Variants in SON observed in about 807,000 individuals in gnomAD.
SON encodes the protein SON DNA and RNA binding protein.
Under a neutral mutation model 173.3 loss-of-function variants are expected in SON, and 4 were observed. The observed-to-expected ratio is 0.02, with a 90% CI of 0.01 to 0.05. The LOEUF (loss-of-function observed/expected upper bound fraction) is 0.05, where lower values mean the gene tolerates loss of function less well. Among genes scored for constraint, SON ranks in the 10% least tolerant of loss-of-function variants. The pLI, the probability that SON is intolerant of heterozygous loss-of-function variation, is 1.00. For missense variants in SON, 2,626 were observed against 3,055.3 expected (o/e 0.86, Z 3.31); for synonymous variants, 1,190 against 1,105.9 (o/e 1.08, Z -1.51).
chr21:33,576,638 A>G lies in SON; in HGVS notation c.*214A>G. The G allele has an allele frequency of 1.5e-6, 1 of 659,170 alleles. No homozygotes were observed. Among genetic ancestry groups the G allele is most frequent in the East Asian group, 2.8e-5 (1 of 35,360 alleles). 40.8% of individuals were successfully genotyped at this position (659,170 alleles called of 1,614,324 possible). ...CTGCATCACAATGTATTTCCTCTTT[A>G]ATGTTGTAAATATTTGGCAATTTAA... On this transcript the variant is annotated 3_prime_UTR_variant, in exon 12 of 12. Transcript: ENST00000356577.
At chr21:33,557,592 G>C in intron 4 of SON, 1 of 1,550,506 alleles carries the variant, frequency 6.4e-7, no homozygotes, top group Non-Finnish European at 8.7e-7. Flanking sequence ...CGTTTGAATG[G>C]AGGAGGTGTT....
Position 33,550,737 on chromosome 21 carries a change from G to A in SON, c.1506G>A (p.Glu502=), listed in dbSNP as rs1218313789. ...PEQPAVTVAM[E]LTEQPVTTTE... is the part of the protein sequence containing the mutation. ...AGCCTGCGGTAACAGTAGCAATGGA[G>A]TTGACCGAACAACCTGTGACGACGA... Residue 502 remains glutamate, a synonymous_variant, in exon 3 of 12, where the codon GAG becomes GAA. Transcript: ENST00000356577. 1 of 1,614,212 alleles carries A rather than the reference G, an allele frequency of 6.2e-7. No homozygotes were observed.
In SON at chr21:33,552,083, T is replaced by C. The variant is rs2085809962; in HGVS notation, c.2852T>C (p.Leu951Ser). ...AYRLGQDPYRLGHDPYRLTPD... is the reference protein window; with the variant it reads ...AYRLGQDPYRSGHDPYRLTPD... ...AGGTTAGGACAAGACCCTTATAGATTAGGCCATGATCCCTACAGACTAACT... is the reference window on the plus strand; with the variant it reads ...AGGTTAGGACAAGACCCTTATAGATCAGGCCATGATCCCTACAGACTAACT... The change falls in exon 3 of 12, where the codon TTA (leucine) becomes TCA (serine). Residue 951 changes from leucine to serine, a missense_variant. Leu to Ser is a moderately radical substitution (Grantham distance 145). Around this residue, in one of 13 missense-constraint regions of SON, gnomAD observed 366 missense variants for 448.6 expected, o/e 0.82. Coordinates refer to ENST00000356577, the MANE Select transcript of SON (RefSeq NM_138927.4). The surrounding 1 kb of genome is among the most constrained non-coding windows in gnomAD (Gnocchi z 5.6). 6.2e-7 allele frequency: 1 copy of C among 1,614,000 alleles called. No individual in the cohort carries two copies. Among genetic ancestry groups the C allele is most frequent in the Non-Finnish European group, 8.5e-7 (1 of 1,179,974 alleles).
In SON at chr21:33,552,835, T is replaced by G; in HGVS notation, c.3604T>G (p.Ser1202Ala). Residue 1202 changes from serine to alanine, a missense_variant, in exon 3 of 12, where the codon TCA (serine) becomes GCA (alanine). Ser to Ala is a moderately conservative substitution (Grantham distance 99). Transcript: ENST00000356577. This position sits in a 1 kb window ranked among gnomAD's most constrained non-coding sequence, Gnocchi z 5.6. ...TACTTGGCCTACAGAGGTGCCATCA[T>G]CACCATCTGAAGAGTCTGTATCGCA... ...ENTWPTEVPS[S>A]PSEESVSQPE... 1 of 1,613,522 alleles carries G rather than the reference T, an allele frequency of 6.2e-7. No individual in the cohort carries two copies. The highest frequency in any genetic ancestry group is 8.5e-7 in the Non-Finnish European group (1 of 1,179,534).
chr21:33,543,194 C>T (rs977248892), intron 1 of SON, 25 bp downstream of exon 1: 2 of 1,591,552 alleles, frequency 1.3e-6, no homozygotes, highest in East Asian at 2.2e-5. Context: ...GATTCTTCTG[C>T]TCCCAACGGA....
rs1403302580 is a variant in SON at position 33,553,138 on chromosome 21, C to T, written c.3907C>T (p.Pro1303Ser). Residue 1303 changes from proline to serine, a missense_variant, in exon 3 of 12, where the codon CCT becomes TCT. Pro to Ser is a moderately conservative substitution (Grantham distance 74). Around this residue, in one of 13 missense-constraint regions of SON, gnomAD observed 1,006 missense variants for 895.6 expected, o/e 1.12. Coordinates refer to ENST00000356577, the MANE Select transcript of SON (RefSeq NM_138927.4). ...AEPTVLASEP[P>S]VMSETAETFD... The stretch of plus-strand genomic sequence containing the variant: ...ACCAACTGTGTTAGCATCAGAGCCT[C>T]CTGTTATGTCAGAGACAGCAGAAAC... 3 of 1,614,072 alleles carry T rather than the reference C, an allele frequency of 1.9e-6. No individual in the cohort carries two copies. The highest frequency in any genetic ancestry group is 2.7e-5 in the African/African-American group (2 of 74,934).
rs781548849 is a variant in SON, at chr21:33,554,811, G to C, written c.5580G>C (p.Gln1860His). ...CTAAGTCCAAGTCTCATCGCTCTCA[G>C]ACACGTTCACGGTCACGTTCAAGAC... ...RSSKSKSHRS[Q>H]TRSRSRSRRR... Residue 1860 changes from glutamine to histidine, a missense_variant, in exon 3 of 12, where the codon CAG (glutamine) becomes CAC (histidine). Gln to His is a conservative substitution (Grantham distance 24). Transcript: ENST00000356577. The C allele has an allele frequency of 1.9e-6, 3 of 1,613,946 alleles. No homozygotes were observed. Among genetic ancestry groups the C allele is most frequent in the Non-Finnish European group, 8.5e-7 (1 of 1,180,032 alleles).
chr21:33,554,613 A>G lies in SON; in HGVS notation c.5382A>G (p.Val1794=), dbSNP rs753209365. The G allele has an allele frequency of 6.2e-6, 10 of 1,613,888 alleles. No individual in the cohort carries two copies. In the African/African-American group the frequency reaches 6.7e-5, roughly 11 times the overall value. ...SEEKDDYEIF[V]KVKDTHEKSK... Reference sequence around the variant, plus strand: ...AAAAAGATGATTATGAAATTTTTGTAAAAGTTAAGGACACTCACGAAAAAA... The same window carrying G: ...AAAAAGATGATTATGAAATTTTTGTGAAAGTTAAGGACACTCACGAAAAAA... The change falls in exon 3 of 12, where the codon GTA becomes GTG. Residue 1794 remains valine, a synonymous_variant. Coordinates refer to ENST00000356577, the MANE Select transcript of SON (RefSeq NM_138927.4).
In SON at chr21:33,553,612, A is replaced by C; in HGVS notation, c.4381A>C (p.Ile1461Leu). 1 of 1,614,004 alleles carries C rather than the reference A, an allele frequency of 6.2e-7. No homozygotes were observed. Among genetic ancestry groups the C allele is most frequent in the Non-Finnish European group, 8.5e-7 (1 of 1,179,940 alleles). The change falls in exon 3 of 12, where the codon ATA (isoleucine) becomes CTA (leucine). Residue 1461 changes from isoleucine (I) to leucine (L), a missense_variant. Around this residue, in one of 13 missense-constraint regions of SON, gnomAD observed 1,006 missense variants for 895.6 expected, o/e 1.12. Transcript: ENST00000356577. ...CACAGTCTCAGAGCAGACTCAAGTA[A>C]TACCAACTGAGGTGGCTATAGAGTC... ...AVTVSEQTQV[I>L]PTEVAIESTP...
chr21:33,558,959 CTTT>C (rs71194851), intron 4 of SON: 194 of 118,786 alleles, frequency 1.6e-3, no homozygotes, highest in East Asian at 5.6e-3. Flanking sequence ...ATGTCTTCTA[CTTT>C]TTTTTTTTTT....
At chr21:33,562,672 T>G (rs576163750) in intron 6 of SON, among the ~76,000 whole-genome samples, 30 of 152,356 alleles carry the variant, frequency 2.0e-4, no homozygotes, top group African/African-American at 6.7e-4. Context: ...CCAGCCAGCA[T>G]CATCCTCAGT....
chr21:33,576,755 G>C lies in SON; in HGVS notation c.*331G>C. The C allele has an allele frequency of 2.5e-6, 1 of 407,098 alleles. No individual in the cohort carries two copies. The highest frequency in any genetic ancestry group is 2.2e-5 in the South Asian group (1 of 44,908). 25.2% of individuals were successfully genotyped at this position (407,098 alleles called of 1,614,324 possible). A position where few individuals can be genotyped will look rare whatever the true frequency, so the allele number is the denominator to read the frequency against. On this transcript the variant is annotated 3_prime_UTR_variant, in exon 12 of 12. Transcript: ENST00000356577. Reference sequence around the variant, plus strand: ...ATTTAACCATACAGGGTTTTGGTATGTTTATATTGTTTACCTTAGTGATGT... The same window carrying C: ...ATTTAACCATACAGGGTTTTGGTATCTTTATATTGTTTACCTTAGTGATGT...
rs1444712243 is a variant in SON, at chr21:33,549,773, A to G, written c.542A>G (p.Glu181Gly). ...TRAFGPSETN[E>G]SPAVVLEPPV... ...GCATTTGGCCCATCTGAGACCAATGAATCCCCTGCAGTTGTGCTAGAACCT... is the reference window on the plus strand; with the variant it reads ...GCATTTGGCCCATCTGAGACCAATGGATCCCCTGCAGTTGTGCTAGAACCT... Residue 181 changes from glutamate (E) to glycine (G), a missense_variant, in exon 3 of 12, where the codon GAA (glutamate) becomes GGA (glycine). This residue lies in a region of SON where 757 missense variants were observed against 730.1 expected (regional missense o/e 1.04). Transcript: ENST00000356577. 1 of 1,614,196 alleles carries G rather than the reference A, an allele frequency of 6.2e-7. No individual in the cohort carries two copies. Among genetic ancestry groups the G allele is most frequent in the South Asian group, 1.1e-5 (1 of 91,088 alleles).
At chr21:33,565,825 G>A (rs1290089056) in intron 6 of SON, among the ~76,000 whole-genome samples, 1 of 152,064 alleles carries the variant, frequency 6.6e-6, no homozygotes, top group Non-Finnish European at 1.5e-5. Flanking sequence ...ATTTTAAGAA[G>A]GCATTGTATC....
rs887402802 is a variant in SON, at chr21:33,559,971, C to T, written c.6657+196C>T. The T allele has an allele frequency of 6.2e-7, 1 of 1,613,950 alleles. No individual in the cohort carries two copies. The highest frequency in any genetic ancestry group is 8.5e-7 in the Non-Finnish European group (1 of 1,179,940). The stretch of plus-strand genomic sequence containing the variant: ...ACTCGATGCAATTCACTTTGTGGAA[C>T]CAAGCCACAAAGTGAAAAGCATCGA... On this transcript the variant is annotated intron_variant, in intron 6 of 11. Transcript: ENST00000356577. This position sits in a 1 kb window ranked among gnomAD's most constrained non-coding sequence, Gnocchi z 4.1.
intron 6 of SON, among the ~76,000 whole-genome samples, chr21:33,565,992 T>G (rs1488404610): frequency 2.0e-5 from 3 of 152,196 alleles, no homozygotes; most frequent in Non-Finnish European, 2.9e-5. Flanking sequence ...TCATACAGCC[T>G]TCTCTACTAG....
rs544424149 is a variant in SON at position 33,552,827 on chromosome 21, T to C, written c.3596T>C (p.Val1199Ala). The C allele has an allele frequency of 6.2e-7, 1 of 1,613,584 alleles. No individual in the cohort carries two copies. The highest frequency in any genetic ancestry group is 1.7e-5 in the Admixed American group (1 of 59,978). Residue 1199 changes from valine (V) to alanine (A), a missense_variant, in exon 3 of 12, where the codon GTG becomes GCG. Coordinates refer to ENST00000356577, the MANE Select transcript of SON (RefSeq NM_138927.4). This position sits in a 1 kb window ranked among gnomAD's most constrained non-coding sequence, Gnocchi z 5.6. ...LTAENTWPTE[V>A]PSSPSEESVS... The stretch of plus-strand genomic sequence containing the variant: ...GCTGAAAATACTTGGCCTACAGAGG[T>C]GCCATCATCACCATCTGAAGAGTCT...
chr21:33,557,695 CACAG>C (rs1339324266), intron 4 of SON: 24 of 1,452,416 alleles, frequency 1.7e-5, no homozygotes, highest in South Asian at 2.9e-5. Flanking sequence ...TACGCAAAGA[CACAG>C]ACAATCTTCA....
chr21:33,547,251 G>C (rs2085639686), intron 2 of SON, among the ~76,000 whole-genome samples: 1 of 152,106 alleles, frequency 6.6e-6, no homozygotes, highest in East Asian at 1.9e-4. Context: ...CAAAGTGCTG[G>C]GATTACAGGC....
Sources: allele counts gnomAD v4.1 joint callset (sites outside exome capture counted in the v4.1 genomes callset), GRCh38; gene constraint gnomAD v4.1.1; regional missense constraint gnomAD v4.1.1; non-coding constraint Gnocchi (gnomAD v3.1); transcripts MANE v1.5; gene names NCBI Gene and HGNC (gene_info 2026-07-23, HGNC 2026-07-21).